Variants in CCDC186 observed in about 807,000 individuals in gnomAD.
The protein encoded by CCDC186 is coiled-coil domain containing 186, also known as coiled-coil domain-containing protein 186.
In CCDC186, 49 loss-of-function variants were observed where a neutral mutation model predicts 113.7. The observed-to-expected ratio is 0.43, with a 90% CI of 0.34 to 0.55. The LOEUF is 0.55. Ranked by LOEUF, CCDC186 falls within the 20% of genes least tolerant of loss-of-function variation. The pLI, the probability that CCDC186 is intolerant of heterozygous loss-of-function variation, is 0.02. For missense variants in CCDC186, 890 were observed against 1,011.1 expected (o/e 0.88, Z 1.62); for synonymous variants, 355 against 345.8 (o/e 1.03, Z -0.30).
At chr10:114,157,301 A>G (rs1419125503) in intron 3 of CCDC186, among the ~76,000 whole-genome samples, 9 of 148,654 alleles carry the variant, frequency 6.1e-5, no homozygotes, top group Non-Finnish European at 1.2e-4. Flanking sequence ...CACCCACCTC[A>G]GCCTCCTTAG....
At position 114,132,013 on chromosome 10, in the gene CCDC186, C is replaced by T. The variant is rs1311758265; in HGVS notation, c.1827G>A (p.Leu609=). Residue 609 remains leucine (L), a synonymous_variant, in exon 11 of 16, where the codon TTG becomes TTA. Coordinates refer to ENST00000369287, the MANE Select transcript of CCDC186 (RefSeq NM_018017.4). The part of the protein sequence containing the change: ...NAQLQSESNS[L]QSQFDKVSCS... ...AGGAAACTTTATCAAATTGTGACTG[C>T]AAAGAATTGGATTCAGACTGAAGCT... is the stretch of plus-strand genomic sequence containing the variant. 6.2e-7 allele frequency: 1 copy of T among 1,613,190 alleles called. No homozygotes were observed. Among genetic ancestry groups the T allele is most frequent in the South Asian group, 1.1e-5 (1 of 91,034 alleles).
intron 8 of CCDC186, 23 bp from the exon 9 acceptor site, chr10:114,136,000 C>A: frequency 1.3e-6 from 2 of 1,589,676 alleles, no homozygotes; most frequent in Non-Finnish European, 1.7e-6. Flanking sequence ...TTAAAAGAAA[C>A]AACAAATCAT....
At chr10:114,172,924 T>C (rs1400227656) in intron 1 of CCDC186, among the ~76,000 whole-genome samples, 1 of 152,176 alleles carries the variant, frequency 6.6e-6, no homozygotes, top group Non-Finnish European at 1.5e-5. Context: ...TCGGTAAATA[T>C]TAAGGTGTAC....
Position 114,157,592 on chromosome 10 carries a change from T to A in CCDC186, c.721A>T (p.Thr241Ser), listed in dbSNP as rs748179330. ...TTCATATGCTGCTTCTCAGTTTCTG[T>A]TCTTTTCTTTAGTTCTTCTCTTAAA... ...DNLREELKKR[T>S]ETEKQHMNTI... Residue 241 changes from threonine (T) to serine (S), a missense_variant, in exon 3 of 16, where the codon ACA becomes TCA. Physicochemically the swap from Thr to Ser is moderately conservative, Grantham distance 58. Coordinates refer to ENST00000369287, the MANE Select transcript of CCDC186 (RefSeq NM_018017.4). 3.1e-6 allele frequency: 5 copies of A among 1,611,466 alleles called. No homozygotes were observed. The South Asian group carries it at 4.4e-5, about 14-fold the overall frequency.
chr10:114,169,835 AT>A (rs1300981422), intron 1 of CCDC186, among the ~76,000 whole-genome samples: 2 of 152,190 alleles, frequency 1.3e-5, no homozygotes, highest in Non-Finnish European at 2.9e-5. Flanking sequence ...CAACCCCCAA[AT>A]AACTGACTTT....
Position 114,162,943 on chromosome 10 carries a change from T to C in CCDC186, c.326A>G (p.Asn109Ser), listed in dbSNP as rs370333890. The C allele has an allele frequency of 3.8e-5, 61 of 1,613,158 alleles. No homozygotes were observed. In the African/African-American group the frequency reaches 7.3e-4, roughly 19 times the overall value. Reference sequence around the variant, plus strand: ...TTGTGTTACTTTCTGTTCTGTTTCATTTGTTTTTGAAATATGTTTAGCAAA... The same window carrying C: ...TTGTGTTACTTTCTGTTCTGTTTCACTTGTTTTTGAAATATGTTTAGCAAA... The part of the protein sequence containing the change: ...GNFAKHISKT[N>S]ETEQKVTQIL... The change falls in exon 2 of 16, where the codon AAT (asparagine) becomes AGT (serine). Residue 109 changes from asparagine (N) to serine (S), a missense_variant. Physicochemically the swap from Asn to Ser is conservative, Grantham distance 46 (BLOSUM62 1). Transcript: ENST00000369287.
chr10:114,155,247 C>T (rs2031975642), intron 3 of CCDC186, among the ~76,000 whole-genome samples: 1 of 152,168 alleles, frequency 6.6e-6, no homozygotes, highest in Admixed American at 6.5e-5. Context: ...TCTCAATAAA[C>T]CTGTTGAAAA....
In CCDC186 at chr10:114,123,231, T is replaced by C. The variant is rs1215261122; in HGVS notation, c.*1912A>G. ...CTTTCCCTCTTATTTTGATAAATTATTATTGGTAAAAAGAACAAGACACAT... is the reference window on the plus strand; with the variant it reads ...CTTTCCCTCTTATTTTGATAAATTACTATTGGTAAAAAGAACAAGACACAT... On this transcript the variant is annotated 3_prime_UTR_variant, in exon 16 of 16. Coordinates refer to ENST00000369287, the MANE Select transcript of CCDC186 (RefSeq NM_018017.4). 1 of 152,638 alleles carries C rather than the reference T, an allele frequency of 6.6e-6. No individual in the cohort carries two copies. Among genetic ancestry groups the C allele is most frequent in the African/African-American group, 2.4e-5 (1 of 41,454 alleles). The allele number at this position is 152,638 out of a possible 1,614,324, so 9.5% of individuals were successfully genotyped here.
At chr10:114,134,883 T>C in intron 10 of CCDC186, 30 bp downstream of exon 10, 1 of 1,579,340 alleles carries the variant, frequency 6.3e-7, no homozygotes. Flanking sequence ...GCTTGCTTAT[T>C]AATACAAACA....
intron 6 of CCDC186, among the ~76,000 whole-genome samples, chr10:114,142,813 A>C (rs564878795): frequency 4.5e-4 from 69 of 152,338 alleles, no homozygotes; most frequent in African/African-American, 1.6e-3. Flanking sequence ...GGGTGCCTCA[A>C]GAAAAATTTA....
chr10:114,124,549 C>G lies in CCDC186; in HGVS notation c.*594G>C, dbSNP rs971916652. 5 of 152,218 alleles carry G rather than the reference C, an allele frequency of 3.3e-5. No individual in the cohort carries two copies. The East Asian group carries it at 9.6e-4, about 29-fold the overall frequency. 9.4% of individuals were successfully genotyped at this position (152,218 alleles called of 1,614,324 possible). The stretch of plus-strand genomic sequence containing the variant: ...ACCTAAAACAGATAAGAAAACCTGA[C>G]AGAGGCAAACAATGCCTGATCATTG... On this transcript the variant is annotated 3_prime_UTR_variant, in exon 16 of 16. Transcript: ENST00000369287.
chr10:114,140,292 T>C (rs1367827081), intron 6 of CCDC186, among the ~76,000 whole-genome samples: 3 of 152,116 alleles, frequency 2.0e-5, no homozygotes, highest in East Asian at 1.9e-4. Flanking sequence ...GCTAGGTGAG[T>C]ACAGACTAAA....
chr10:114,122,013 T>C lies in CCDC186; in HGVS notation c.*3130A>G, dbSNP rs892635324. On this transcript the variant is annotated 3_prime_UTR_variant, in exon 16 of 16. Coordinates refer to ENST00000369287, the MANE Select transcript of CCDC186 (RefSeq NM_018017.4). ...CTTTTGTACACATGGGGTTTTGCCATGTTGCCCTGGCTGGTCTCAAACTCC... is the reference window on the plus strand; with the variant it reads ...CTTTTGTACACATGGGGTTTTGCCACGTTGCCCTGGCTGGTCTCAAACTCC... 6.6e-6 allele frequency: 1 copy of C among 152,250 alleles called. No individual in the cohort carries two copies. The highest frequency in any genetic ancestry group is 1.5e-5 in the Non-Finnish European group (1 of 68,150). 9.4% of individuals were successfully genotyped at this position (152,250 alleles called of 1,614,324 possible).
chr10:114,138,857 A>G (rs2031367220), intron 6 of CCDC186, among the ~76,000 whole-genome samples: 1 of 152,104 alleles, frequency 6.6e-6, no homozygotes, highest in African/African-American at 2.4e-5. Context: ...ATTCTCCCTA[A>G]GCAAACTGAT....
intron 7 of CCDC186, among the ~76,000 whole-genome samples, chr10:114,136,716 T>C (rs11595673): frequency 0.25 from 37,729 of 152,068 alleles, 4,975 homozygotes; most frequent in African/African-American, 0.33. Flanking sequence ...TCCATTTAAG[T>C]TGCAGGTACT....
rs2031616785 is a variant in CCDC186 at position 114,145,718 on chromosome 10, A to G, written c.932T>C (p.Met311Thr). The change falls in exon 5 of 16, where the codon ATG becomes ACG. Residue 311 changes from methionine to threonine, a missense_variant. Physicochemically the swap from Met to Thr is moderately conservative, Grantham distance 81. Transcript: ENST00000369287. ...CEEARQEKEA[M>T]VMKYVRGEKE... ...CTCACCTCTTACATATTTCATTACC[A>G]TTGCTTCTTTTTCTTGGCGTGCCTC... 1 of 1,602,876 alleles carries G rather than the reference A, an allele frequency of 6.2e-7. No individual in the cohort carries two copies.
intron 2 of CCDC186, among the ~76,000 whole-genome samples, chr10:114,157,994 C>A (rs1564916190): frequency 1.3e-5 from 2 of 152,242 alleles, no homozygotes; most frequent in East Asian, 3.8e-4. Flanking sequence ...CCTGTCAGCA[C>A]TGGCACTCTT....
intron 1 of CCDC186, among the ~76,000 whole-genome samples, chr10:114,171,309 G>A (rs942506922): frequency 6.6e-6 from 1 of 152,042 alleles, no homozygotes; most frequent in South Asian, 2.1e-4. Flanking sequence ...GCCTAGATGG[G>A]AGGATCAAAT....
At chr10:114,159,100 C>G (rs1365738592) in intron 2 of CCDC186, among the ~76,000 whole-genome samples, 2 of 152,138 alleles carry the variant, frequency 1.3e-5, no homozygotes, top group South Asian at 2.1e-4. Flanking sequence ...GAGAAGGTGA[C>G]AGCTGAGCCT....
Sources: gnomAD v4.1 joint callset for allele counts (sites outside exome capture counted in the v4.1 genomes callset) on GRCh38, gnomAD v4.1.1 for gene constraint, MANE v1.5 for transcripts, NCBI Gene and HGNC (gene_info 2026-07-23, HGNC 2026-07-21) for gene names.